Variants in CDH10 observed in about 807,000 individuals in gnomAD.
CDH10 encodes cadherin-10.
A neutral mutation model predicts 73.1 loss-of-function variants in CDH10; 30 were observed. The observed-to-expected ratio is 0.41, with a 90% CI of 0.31 to 0.56. The LOEUF (loss-of-function observed/expected upper bound fraction) is 0.56. Among genes scored for constraint, CDH10 ranks in the 20% least tolerant of loss-of-function variants. The pLI is 0.27. For missense variants in CDH10, 815 were observed against 973.7 expected, an observed-to-expected ratio of 0.84 and a Z score of 2.17; for synonymous variants, 345 against 348.2, an observed-to-expected ratio of 0.99 and a Z score of 0.10.
At chr5:24,505,373 A>C in intron 7 of CDH10, 125 bp from the exon 8 acceptor site, 2 of 753,112 alleles carry the variant, frequency 2.7e-6, no homozygotes, top group Non-Finnish European at 2.2e-6. Flanking sequence ...CTGATCTGGA[A>C]TGTAGATTGT....
chr5:24,505,381 T>G lies in CDH10; in HGVS notation c.1257-133A>C, dbSNP rs138563115. 107 of 726,260 alleles carry G rather than the reference T, an allele frequency of 1.5e-4. 2 individuals are homozygous for G. The African/African-American group carries it at 1.6e-3, about 11-fold the overall frequency. 45.0% of individuals were successfully genotyped at this position (726,260 alleles called of 1,614,324 possible). On this transcript the variant is annotated intron_variant, in intron 7 of 11. Transcript: ENST00000264463. ...CACAGTGCTGATCTGGAATGTAGAT[T>G]GTTTGAATGACTTTTCCTAGTTGCA...
At chr5:24,508,246 T>C (rs1379129314) in intron 7 of CDH10, among the ~76,000 whole-genome samples, 1 of 152,228 alleles carries the variant, frequency 6.6e-6, no homozygotes, top group Non-Finnish European at 1.5e-5. Flanking sequence ...TGCTGAATAG[T>C]GTATGTCAAT....
intron 1 of CDH10, among the ~76,000 whole-genome samples, chr5:24,630,710 C>A (rs938538967): frequency 6.6e-6 from 1 of 151,540 alleles, no homozygotes. Flanking sequence ...AAACAGAACT[C>A]CTAGAAATAA....
At chr5:24,618,274 G>A (rs1747191181) in intron 1 of CDH10, among the ~76,000 whole-genome samples, 1 of 152,174 alleles carries the variant, frequency 6.6e-6, no homozygotes, top group Admixed American at 6.5e-5. Context: ...GAATATGACT[G>A]AAGGATAACT....
chr5:24,549,181 G>T (rs1192765276), intron 2 of CDH10, among the ~76,000 whole-genome samples: 1 of 152,016 alleles, frequency 6.6e-6, no homozygotes, highest in Admixed American at 6.6e-5. Flanking sequence ...ATATGAAAAC[G>T]AAAATTACAT....
intron 2 of CDH10, among the ~76,000 whole-genome samples, chr5:24,551,336 C>T (rs915557371): frequency 2.6e-5 from 4 of 152,126 alleles, no homozygotes; most frequent in South Asian, 2.1e-4. Flanking sequence ...CTTTTCAATT[C>T]GACACAGATA....
intron 7 of CDH10, among the ~76,000 whole-genome samples, chr5:24,505,994 G>A (rs182022374): frequency 1.8e-4 from 27 of 151,880 alleles, no homozygotes; most frequent in African/African-American, 6.3e-4. Flanking sequence ...CGTGCCTGTA[G>A]TCCCAGCTAC....
At chr5:24,543,574 G>A (rs911715763) in intron 2 of CDH10, among the ~76,000 whole-genome samples, 1 of 152,034 alleles carries the variant, frequency 6.6e-6, no homozygotes, top group Non-Finnish European at 1.5e-5. Flanking sequence ...GTAGAATGTG[G>A]CAAATACGCC....
At chr5:24,617,028 T>G (rs539471119) in intron 1 of CDH10, among the ~76,000 whole-genome samples, 1 of 152,294 alleles carries the variant, frequency 6.6e-6, no homozygotes, top group East Asian at 1.9e-4. Flanking sequence ...TTGCATCAGT[T>G]ATTACGAAAG....
intron 2 of CDH10, among the ~76,000 whole-genome samples, chr5:24,587,090 C>T (rs1246955208): frequency 2.0e-5 from 3 of 151,624 alleles, no homozygotes; most frequent in East Asian, 1.9e-4. Flanking sequence ...GTGATCTGCC[C>T]GCCTCGGCCT....
intron 1 of CDH10, among the ~76,000 whole-genome samples, chr5:24,605,984 T>C (rs1746748183): frequency 1.3e-5 from 2 of 152,152 alleles, no homozygotes; most frequent in Admixed American, 1.3e-4. Flanking sequence ...TCATATACAA[T>C]GTATGATTTT....
At chr5:24,583,669 G>A (rs1050715386) in intron 2 of CDH10, among the ~76,000 whole-genome samples, 7 of 151,880 alleles carry the variant, frequency 4.6e-5, no homozygotes, top group Non-Finnish European at 5.9e-5. Flanking sequence ...TTTTTGAGAC[G>A]GAGTCTCACT....
At chr5:24,577,211 C>G (rs1745640498) in intron 2 of CDH10, among the ~76,000 whole-genome samples, 2 of 152,022 alleles carry the variant, frequency 1.3e-5, no homozygotes, top group South Asian at 4.1e-4. Flanking sequence ...ACATGAAAAT[C>G]TGAATAAACC....
intron 2 of CDH10, among the ~76,000 whole-genome samples, chr5:24,552,898 A>G (rs1398103201): frequency 6.6e-6 from 1 of 152,126 alleles, no homozygotes; most frequent in Admixed American, 6.6e-5. Context: ...GCCTTCTGAC[A>G]GATTCCAAAA....
chr5:24,580,151 T>A (rs1745744817), intron 2 of CDH10, among the ~76,000 whole-genome samples: 1 of 152,180 alleles, frequency 6.6e-6, no homozygotes, highest in African/African-American at 2.4e-5. Flanking sequence ...TCTATTTTTT[T>A]AACTTTTATT....
intron 2 of CDH10, among the ~76,000 whole-genome samples, chr5:24,546,476 C>T (rs577682905): frequency 6.6e-6 from 1 of 152,158 alleles, no homozygotes; most frequent in South Asian, 2.1e-4. Context: ...TGCGTCCTCC[C>T]TCATGACATT....
At chr5:24,568,526 A>T (rs1329820409) in intron 2 of CDH10, among the ~76,000 whole-genome samples, 1 of 151,794 alleles carries the variant, frequency 6.6e-6, no homozygotes, top group Non-Finnish European at 1.5e-5. Context: ...GTGAAATTGG[A>T]ACCCTTGTGC....
At chr5:24,629,075 A>G (rs1352529211) in intron 1 of CDH10, among the ~76,000 whole-genome samples, 2 of 152,158 alleles carry the variant, frequency 1.3e-5, no homozygotes, top group Non-Finnish European at 1.5e-5. Flanking sequence ...AGTTCTGTAG[A>G]GAATATGTGT....
intron 1 of CDH10, 141 bp from the exon 2 acceptor site, chr5:24,593,754 C>T (rs1270686340): frequency 4.7e-6 from 2 of 423,268 alleles, no homozygotes; most frequent in Admixed American, 4.2e-5. Context: ...TAACGGATAG[C>T]TTTGAGAAAT....
Sources: gnomAD v4.1 joint callset for allele counts (sites outside exome capture counted in the v4.1 genomes callset) on GRCh38, gnomAD v4.1.1 for gene constraint, MANE v1.5 for transcripts, NCBI Gene and HGNC (gene_info 2026-07-23, HGNC 2026-07-21) for gene names.